PTBP2: variants seen among roughly 807,000 people sequenced by gnomAD.
PTBP2 encodes polypyrimidine tract binding protein 2.
Under a neutral mutation model 61.4 loss-of-function variants are expected in PTBP2, and 13 were observed. The observed-to-expected ratio is 0.21, with a 90% CI of 0.14 to 0.34. PTBP2 has a LOEUF of 0.34. Among genes scored for constraint, PTBP2 ranks in the 10% least tolerant of loss-of-function variants. The probability of loss-of-function intolerance (pLI) is 1.00; values close to 1 mark genes in which losing one functional copy is unlikely to be tolerated. For synonymous variants in PTBP2, 215 were observed against 218.5 expected, an observed-to-expected ratio of 0.98 and a Z score of 0.14; for missense variants, 405 against 642.6, an observed-to-expected ratio of 0.63 and a Z score of 4.00.
At chr1:96,789,059 T>G (rs1659505183) in intron 8 of PTBP2, among the ~76,000 whole-genome samples, 1 of 152,040 alleles carries the variant, frequency 6.6e-6, no homozygotes, top group African/African-American at 2.4e-5. Context: ...TTTTATCATG[T>G]TAAGAGGTGT....
chr1:96,792,437 G>T (rs1659945841), intron 8 of PTBP2, among the ~76,000 whole-genome samples: 2 of 152,116 alleles, frequency 1.3e-5, no homozygotes, highest in South Asian at 4.1e-4. Context: ...TGAAAGCCAG[G>T]TAGTCTGGTT....
At chr1:96,820,749 G>C (rs531767846) in exon 14 of PTBP2, 1 of 151,944 alleles carries the variant, frequency 6.6e-6, no homozygotes, top group African/African-American at 2.4e-5. Context: ...CATGTAAACT[G>C]TGCTGCCTTT....
At chr1:96,757,274 T>C (rs1320143915) in intron 3 of PTBP2, among the ~76,000 whole-genome samples, 2 of 152,180 alleles carry the variant, frequency 1.3e-5, no homozygotes, top group Non-Finnish European at 2.9e-5. Context: ...GAAAATGATA[T>C]TCCGTGCAAA....
intron 3 of PTBP2, among the ~76,000 whole-genome samples, chr1:96,752,564 A>T (rs1313749082): frequency 6.6e-6 from 1 of 152,110 alleles, no homozygotes; most frequent in African/African-American, 2.4e-5. Context: ...AATGATTACA[A>T]AGCAAAATCA....
chr1:96,807,499 G>T (rs576675791), intron 11 of PTBP2, among the ~76,000 whole-genome samples: 1 of 152,240 alleles, frequency 6.6e-6, no homozygotes, highest in African/African-American at 2.4e-5. Context: ...TATGTCGTTT[G>T]ACTTCATACA....
intron 8 of PTBP2, among the ~76,000 whole-genome samples, chr1:96,796,614 G>A (rs1660418319): frequency 1.3e-5 from 2 of 152,252 alleles, no homozygotes; most frequent in Admixed American, 6.5e-5. Flanking sequence ...CATTTGTGGG[G>A]TGTGTGTGTT....
chr1:96,775,252 ATATAGC>A (rs1270306177), intron 5 of PTBP2, among the ~76,000 whole-genome samples: 1 of 152,238 alleles, frequency 6.6e-6, no homozygotes, highest in African/African-American at 2.4e-5. Flanking sequence ...AAAGTTGAGC[ATATAGC>A]TATTCTTTGA....
At chr1:96,818,065 G>C (rs753687939), downstream of PTBP2, 2 of 151,962 alleles carry the variant, frequency 1.3e-5, no homozygotes, top group Non-Finnish European at 2.9e-5. Flanking sequence ...TATTTTAGAC[G>C]CTGAATTATG....
chr1:96,739,311 AAAC>A (rs1652659936), intron 2 of PTBP2, among the ~76,000 whole-genome samples: 1 of 152,210 alleles, frequency 6.6e-6, no homozygotes, highest in South Asian at 2.1e-4. Context: ...TTGTACAAAA[AAAC>A]ACATAAAATT....
intron 3 of PTBP2, among the ~76,000 whole-genome samples, chr1:96,758,538 A>G (rs1315012452): frequency 6.6e-6 from 1 of 152,080 alleles, no homozygotes; most frequent in Non-Finnish European, 1.5e-5. Flanking sequence ...TATGAGAGAC[A>G]ATTCTGAGAC....
intron 2 of PTBP2, among the ~76,000 whole-genome samples, chr1:96,751,079 G>A (rs937363191): frequency 6.6e-6 from 1 of 152,064 alleles, no homozygotes; most frequent in Non-Finnish European, 1.5e-5. Flanking sequence ...CCATTGGGAT[G>A]GAGGATTTAT....
At chr1:96,785,420 C>G (rs1659109947) in intron 8 of PTBP2, among the ~76,000 whole-genome samples, 166 bp downstream of exon 8, 1 of 152,146 alleles carries the variant, frequency 6.6e-6, no homozygotes, top group African/African-American at 2.4e-5. Flanking sequence ...AAGAAAAACC[C>G]AAAGTATTCT....
intron 5 of PTBP2, among the ~76,000 whole-genome samples, chr1:96,771,711 A>G (rs1460904357): frequency 1.3e-5 from 2 of 152,114 alleles, no homozygotes; most frequent in Non-Finnish European, 2.9e-5. Context: ...CTTTCTTTTT[A>G]CTTAGATTTT....
intron 2 of PTBP2, among the ~76,000 whole-genome samples, chr1:96,727,467 A>T (rs1650735035): frequency 6.6e-6 from 1 of 152,204 alleles, no homozygotes; most frequent in Admixed American, 6.5e-5. Context: ...TTTTTAAGGA[A>T]CTGCAAACTT....
chr1:96,772,274 A>G (rs1234411604), intron 5 of PTBP2, among the ~76,000 whole-genome samples: 1 of 152,172 alleles, frequency 6.6e-6, no homozygotes, highest in Non-Finnish European at 1.5e-5. Context: ...ATAGGATATT[A>G]AAAAGGATAA....
intron 3 of PTBP2, among the ~76,000 whole-genome samples, chr1:96,762,502 CG>C (rs71071618): frequency 0.55 from 68,624 of 125,848 alleles, 20,463 homozygotes; most frequent in East Asian, 0.65. Context: ...GGCTGACCCC[CG>C]CCACCTCCCT....
chr1:96,780,347 A>G (rs974429516), intron 7 of PTBP2, among the ~76,000 whole-genome samples: 9 of 151,750 alleles, frequency 5.9e-5, no homozygotes, highest in African/African-American at 2.2e-4. Flanking sequence ...CGTACTTTCT[A>G]TCACCCTGCC....
At chr1:96,774,459 T>C (rs954243703) in intron 5 of PTBP2, among the ~76,000 whole-genome samples, 1 of 152,214 alleles carries the variant, frequency 6.6e-6, no homozygotes, top group Admixed American at 6.5e-5. Context: ...CTTCAGTGTT[T>C]GTTTATTTTA....
chr1:96,726,726 C>A (rs548786787), intron 2 of PTBP2, among the ~76,000 whole-genome samples: 89 of 152,194 alleles, frequency 5.8e-4, no homozygotes, highest in Non-Finnish European at 1.0e-3. Context: ...CGTGAGCCAC[C>A]GCGCCTAGCC....
Sources: allele counts gnomAD v4.1 joint callset (sites outside exome capture counted in the v4.1 genomes callset), GRCh38; gene constraint gnomAD v4.1.1; transcripts MANE v1.5; gene names NCBI Gene and HGNC (gene_info 2026-07-23, HGNC 2026-07-21).